DAB1: variants seen among roughly 807,000 people sequenced by gnomAD.
DAB1 encodes disabled homolog 1.
Under a neutral mutation model 64.6 loss-of-function variants are expected in DAB1, and 15 were observed. That is an observed-to-expected ratio of 0.23 (90% CI 0.16 to 0.36). The LOEUF is 0.36. Among genes scored for constraint, DAB1 ranks in the 10% least tolerant of loss-of-function variants. The pLI, the probability that DAB1 is intolerant of heterozygous loss-of-function variation, is 1.00. For synonymous variants in DAB1, 235 were observed against 251.9 expected, an observed-to-expected ratio of 0.93 and a Z score of 0.64; for missense variants, 596 against 706.7, an observed-to-expected ratio of 0.84 and a Z score of 1.78.
At chr1:57,783,074 AC>A (rs1650180127) in intron 6 of DAB1, among the ~76,000 whole-genome samples, 2 of 63,422 alleles carry the variant, frequency 3.2e-5, no homozygotes, top group Admixed American at 2.2e-4. Context: ...CTTCCTTCTT[AC>A]CTTCTTTCTT....
chr1:57,187,606 G>A (rs972784740), intron 2 of DAB1, among the ~76,000 whole-genome samples: 1 of 152,154 alleles, frequency 6.6e-6, no homozygotes, highest in Non-Finnish European at 1.5e-5. Context: ...TTGCTATCTT[G>A]TTCTTTGACG....
In DAB1 at chr1:57,806,125, C is replaced by G. The variant is rs1651352078; in HGVS notation, n.551+77874G>C. On this transcript the variant is annotated intron_variant and non_coding_transcript_variant, in intron 6 of 20. Coordinates refer to the DAB1 transcript ENST00000485760. ...TAACCCATTCTGGGCCCCGTTATCT[C>G]TGTGAACTTGTCTCCATGTACTCTT... Among the ~76,000 whole-genome samples, 3 of 152,198 alleles carry G rather than the reference C, an allele frequency of 2.0e-5. No homozygotes were observed. In the South Asian group the frequency reaches 6.2e-4, roughly 31 times the overall value.
intron 3 of DAB1, among the ~76,000 whole-genome samples, chr1:58,376,073 T>G (rs1482793689): frequency 6.6e-6 from 1 of 152,110 alleles, no homozygotes; most frequent in African/African-American, 2.4e-5. Context: ...TCTTCTCTCT[T>G]TTTTTCTTTG....
intron 1 of DAB1, among the ~76,000 whole-genome samples, chr1:57,416,951 G>A (rs1221672527): frequency 6.6e-6 from 1 of 152,018 alleles, no homozygotes; most frequent in Non-Finnish European, 1.5e-5. Context: ...GTTTATAAAT[G>A]TCCTTTATTT....
At chr1:57,806,113 G>T (rs930387126) in intron 6 of DAB1, among the ~76,000 whole-genome samples, 1 of 152,044 alleles carries the variant, frequency 6.6e-6, no homozygotes, top group Non-Finnish European at 1.5e-5. Context: ...CCCATTCTGG[G>T]CCCCGTTATC....
At chr1:58,320,724 A>G (rs1006524597) in intron 4 of DAB1, among the ~76,000 whole-genome samples, 1 of 152,202 alleles carries the variant, frequency 6.6e-6, no homozygotes, top group African/African-American at 2.4e-5. Context: ...ATTGTTAGTC[A>G]TACCTGTGCC....
chr1:57,277,668 T>C (rs1671573634), intron 2 of DAB1, among the ~76,000 whole-genome samples: 1 of 152,236 alleles, frequency 6.6e-6, no homozygotes, highest in Non-Finnish European at 1.5e-5. Context: ...TAATAAGGGA[T>C]ATGGGCATGA....
Position 57,126,231 on chromosome 1 carries a change from ACT to A in DAB1, c.306+10310_306+10311del, listed in dbSNP as rs1657115424. Among the ~76,000 whole-genome samples, 5 of 152,326 alleles carry A rather than the reference ACT, an allele frequency of 3.3e-5. No homozygotes were observed. The South Asian group carries it at 8.3e-4, about 25-fold the overall frequency. ...AATGTGAAGGTGTTAAATTCATCTC[ACT>A]GTTAATTCTAGAATCAAAAATTAAG... On this transcript the variant is annotated intron_variant, in intron 4 of 14. Coordinates refer to ENST00000371236, the MANE Select transcript of DAB1 (RefSeq NM_001365792.1).
At chr1:58,047,173 G>C (rs748502570) in intron 5 of DAB1, among the ~76,000 whole-genome samples, 18 of 152,142 alleles carry the variant, frequency 1.2e-4, no homozygotes, top group Non-Finnish European at 2.5e-4. Context: ...AAGAAATATA[G>C]CATGGGCTAT....
At chr1:57,167,257 T>G (rs1661285921) in intron 2 of DAB1, among the ~76,000 whole-genome samples, 1 of 152,178 alleles carries the variant, frequency 6.6e-6, no homozygotes, top group Non-Finnish European at 1.5e-5. Context: ...TATGGAGGGT[T>G]GATGACATGG....
intron 4 of DAB1, among the ~76,000 whole-genome samples, chr1:58,340,964 G>T (rs1040829768): frequency 6.6e-6 from 1 of 152,166 alleles, no homozygotes; most frequent in Non-Finnish European, 1.5e-5. Flanking sequence ...GATTCAAAGG[G>T]TTGTGTGCTT....
At chr1:58,330,439 G>T (rs994657027) in intron 4 of DAB1, among the ~76,000 whole-genome samples, 1 of 152,232 alleles carries the variant, frequency 6.6e-6, no homozygotes, top group African/African-American at 2.4e-5. Context: ...TTCTTCAGAA[G>T]ATCTAGCTAA....
intron 6 of DAB1, among the ~76,000 whole-genome samples, chr1:57,760,157 A>G (rs186564846): frequency 6.6e-6 from 1 of 152,192 alleles, no homozygotes; most frequent in East Asian, 1.9e-4. Flanking sequence ...GGGTGCCATG[A>G]TATTTGAGGA....
chr1:57,869,212 A>C (rs1654433155), intron 1 of DAB1, among the ~76,000 whole-genome samples: 1 of 152,160 alleles, frequency 6.6e-6, no homozygotes, highest in Non-Finnish European at 1.5e-5. Context: ...GGTAAAATGC[A>C]GGTAACAACA....
chr1:57,342,824 T>C (rs560228947), intron 1 of DAB1, among the ~76,000 whole-genome samples: 10 of 150,104 alleles, frequency 6.7e-5, no homozygotes, highest in Non-Finnish European at 1.5e-4. Flanking sequence ...GAGTTGTTGG[T>C]TCCTCGCGGT....
chr1:58,131,685 C>G (rs1401438172), intron 5 of DAB1, among the ~76,000 whole-genome samples: 2 of 142,660 alleles, frequency 1.4e-5, no homozygotes, highest in Non-Finnish European at 3.0e-5. Flanking sequence ...CAGAGAGGAC[C>G]CTCAGCTGCA....
downstream of DAB1, among the ~76,000 whole-genome samples, chr1:57,822,593 C>A (rs781234209): frequency 2.0e-5 from 3 of 152,164 alleles, no homozygotes; most frequent in Non-Finnish European, 4.4e-5. Context: ...TCACTCCACT[C>A]ATAAGGTGAT....
At chr1:57,175,793 G>A (rs948036619) in intron 2 of DAB1, among the ~76,000 whole-genome samples, 1 of 152,142 alleles carries the variant, frequency 6.6e-6, no homozygotes, top group South Asian at 2.1e-4. Context: ...AGCGTACCAG[G>A]TACTGGGCGC....
intron 4 of DAB1, among the ~76,000 whole-genome samples, chr1:58,258,564 T>G (rs545710814): frequency 1.3e-5 from 2 of 152,066 alleles, no homozygotes; most frequent in African/African-American, 4.8e-5. Flanking sequence ...GTCTCTGGGG[T>G]TCCTGGCAAT....
Sources: allele counts gnomAD v4.1 joint callset (sites outside exome capture counted in the v4.1 genomes callset), GRCh38; gene constraint gnomAD v4.1.1; transcripts MANE v1.5; gene names NCBI Gene and HGNC (gene_info 2026-07-23, HGNC 2026-07-21).